The following CHST8 variants were observed in gnomAD, a reference collection of about 807,000 sequenced individuals.
CHST8 encodes carbohydrate sulfotransferase 8.
A neutral mutation model predicts 15.0 loss-of-function variants in CHST8; 10 were observed. That is an observed-to-expected ratio of 0.67 (90% confidence interval 0.41 to 1.13). The LOEUF is 1.13. Among genes scored for constraint, CHST8 ranks in the 50% most tolerant of loss-of-function variants. CHST8 has a pLI of 0.00. For synonymous variants in CHST8, 259 were observed against 256.6 expected (o/e 1.01, Z -0.09); for missense variants, 634 against 608.2 (o/e 1.04, Z -0.45).
intron 1 of CHST8, among the ~76,000 whole-genome samples, chr19:33,650,511 T>TC (rs1972427542): frequency 8.4e-6 from 1 of 119,636 alleles, no homozygotes; most frequent in Admixed American, 8.6e-5. Flanking sequence ...CTTTTTCTTT[T>TC]TCTTTTCTTT....
At chr19:33,696,714 T>C (rs1383176987) in intron 3 of CHST8, among the ~76,000 whole-genome samples, 1 of 152,056 alleles carries the variant, frequency 6.6e-6, no homozygotes, top group East Asian at 1.9e-4. Context: ...GTGCCAAAAA[T>C]GTTGGGGACC....
At chr19:33,766,451 C>G (rs1180851898) in intron 3 of CHST8, among the ~76,000 whole-genome samples, 2 of 152,228 alleles carry the variant, frequency 1.3e-5, no homozygotes, top group African/African-American at 4.8e-5. Context: ...TGTAGCTCAG[C>G]ACTGCACTGT....
chr19:33,677,770 G>A (rs963154456), intron 2 of CHST8, among the ~76,000 whole-genome samples: 7 of 152,248 alleles, frequency 4.6e-5, no homozygotes, highest in African/African-American at 1.4e-4. Context: ...TCAGATAAAA[G>A]CCGTTAGTCT....
chr19:33,758,931 G>T (rs113697117), intron 3 of CHST8, among the ~76,000 whole-genome samples: 3,518 of 152,198 alleles, frequency 0.023, 104 homozygotes, highest in African/African-American at 0.077. Flanking sequence ...GCGGGGGGGG[G>T]CGGTGCTCAA....
At chr19:33,739,499 C>T (rs901226516) in intron 3 of CHST8, among the ~76,000 whole-genome samples, 2 of 152,186 alleles carry the variant, frequency 1.3e-5, no homozygotes, top group African/African-American at 2.4e-5. Context: ...GTTGTTTTAG[C>T]CTGTTGTGTG....
At chr19:33,667,056 C>T (rs899494933) in intron 1 of CHST8, among the ~76,000 whole-genome samples, 3 of 152,148 alleles carry the variant, frequency 2.0e-5, no homozygotes, top group African/African-American at 7.2e-5. Flanking sequence ...TGATCACAGG[C>T]GTGTGTATGC....
intron 3 of CHST8, among the ~76,000 whole-genome samples, chr19:33,757,520 A>AAGAGAGAGAG (rs1491464750): frequency 9.7e-5 from 2 of 20,680 alleles, no homozygotes; most frequent in African/African-American, 2.5e-4. Context: ...GAAAGAAAGA[A>AAGAGAGAGAG]AGAGAAAGAA....
chr19:33,755,930 T>C (rs1354209077), intron 3 of CHST8, among the ~76,000 whole-genome samples: 1 of 152,188 alleles, frequency 6.6e-6, no homozygotes, highest in African/African-American at 2.4e-5. Context: ...AGGCAGAGGC[T>C]AAGCAAAGAG....
intron 3 of CHST8, among the ~76,000 whole-genome samples, chr19:33,732,385 C>G (rs1974012392): frequency 6.6e-6 from 1 of 151,942 alleles, no homozygotes; most frequent in East Asian, 2.0e-4. Context: ...GGACAGAGCC[C>G]TCCACAAGAC....
intron 1 of CHST8, among the ~76,000 whole-genome samples, chr19:33,658,861 G>T (rs991922976): frequency 6.6e-6 from 1 of 151,814 alleles, no homozygotes; most frequent in Non-Finnish European, 1.5e-5. Flanking sequence ...AGATGAATGG[G>T]GTGCTTTTTA....
intron 3 of CHST8, among the ~76,000 whole-genome samples, chr19:33,757,262 C>T (rs552309642): frequency 1.7e-4 from 25 of 151,006 alleles, no homozygotes; most frequent in Non-Finnish European, 2.8e-4. Flanking sequence ...TGGTGGCGCA[C>T]GCCTGCTACT....
chr19:33,762,813 G>A (rs1220000545), intron 3 of CHST8, among the ~76,000 whole-genome samples: 1 of 152,002 alleles, frequency 6.6e-6, no homozygotes, highest in African/African-American at 2.4e-5. Flanking sequence ...GCAAGGTCAA[G>A]GCACTTGTCC....
At chr19:33,757,546 A>C (rs1190824747) in intron 3 of CHST8, among the ~76,000 whole-genome samples, 1 of 110,120 alleles carries the variant, frequency 9.1e-6, no homozygotes, top group African/African-American at 3.5e-5. Flanking sequence ...GAAAGAAAGA[A>C]AGAAAGAAAG....
chr19:33,682,187 GTTT>G (rs869056900), intron 2 of CHST8, among the ~76,000 whole-genome samples: 15 of 95,266 alleles, frequency 1.6e-4, no homozygotes, highest in Admixed American at 7.6e-4. Context: ...TTTTGTTGTT[GTTT>G]TTTTTTTTTT....
chr19:33,764,886 T>G (rs982333675), intron 3 of CHST8, among the ~76,000 whole-genome samples: 1 of 152,010 alleles, frequency 6.6e-6, no homozygotes, highest in African/African-American at 2.4e-5. Context: ...TGTATCATTC[T>G]TATGCCTTCG....
intron 1 of CHST8, among the ~76,000 whole-genome samples, chr19:33,633,748 A>G (rs1276396449): frequency 6.7e-6 from 1 of 149,968 alleles, no homozygotes; most frequent in Non-Finnish European, 1.5e-5. Context: ...CCCAGGGTGC[A>G]GGTACTGTTG....
chr19:33,659,738 G>A (rs1163346543), intron 1 of CHST8, among the ~76,000 whole-genome samples: 1 of 152,106 alleles, frequency 6.6e-6, no homozygotes, highest in Non-Finnish European at 1.5e-5. Flanking sequence ...TGAGCCCAGG[G>A]AGGTGGAGGC....
At chr19:33,637,282 A>T (rs1177615426) in intron 1 of CHST8, among the ~76,000 whole-genome samples, 2 of 152,206 alleles carry the variant, frequency 1.3e-5, no homozygotes, top group Admixed American at 6.5e-5. Flanking sequence ...CTGGGAATGC[A>T]GCCCAGTAGG....
At chr19:33,702,726 G>A (rs915864124) in intron 3 of CHST8, among the ~76,000 whole-genome samples, 15 of 152,226 alleles carry the variant, frequency 9.9e-5, no homozygotes, top group Admixed American at 3.3e-4. Context: ...TTCACCTGCC[G>A]TGTGAGTCAC....
Sources: gnomAD v4.1 joint callset for allele counts (sites outside exome capture counted in the v4.1 genomes callset) on GRCh38, gnomAD v4.1.1 for gene constraint, MANE v1.5 for transcripts, NCBI Gene and HGNC (gene_info 2026-07-23, HGNC 2026-07-21) for gene names.